The following PAPPA variants were observed in gnomAD, a reference collection of about 807,000 sequenced individuals.
PAPPA encodes pappalysin-1.
A neutral mutation model predicts 164.0 loss-of-function variants in PAPPA; 60 were observed. The observed-to-expected ratio is 0.37, with a 90% CI of 0.30 to 0.45. PAPPA has a LOEUF of 0.45. PAPPA is among the 20% of genes least tolerant of loss of function. The pLI is 1.00. For missense variants in PAPPA, 1,782 were observed against 2,087.3 expected (o/e 0.85, Z 2.85); for synonymous variants, 875 against 814.1 (o/e 1.07, Z -1.27).
intron 21 of PAPPA, among the ~76,000 whole-genome samples, chr9:116,391,690 G>T (rs1846895342): frequency 6.6e-6 from 1 of 152,238 alleles, no homozygotes; most frequent in African/African-American, 2.4e-5. Context: ...AAAAACAGGA[G>T]AGAATCCTGG....
chr9:116,333,672 A>C (rs972935184), intron 12 of PAPPA, among the ~76,000 whole-genome samples: 6 of 152,222 alleles, frequency 3.9e-5, no homozygotes, highest in Non-Finnish European at 7.3e-5. Flanking sequence ...AAGAGAAAGA[A>C]AACCCCTCTG....
intron 10 of PAPPA, among the ~76,000 whole-genome samples, chr9:116,307,428 C>T (rs62575361): frequency 9.0e-4 from 137 of 151,988 alleles, no homozygotes; most frequent in Middle Eastern, 3.4e-3. Flanking sequence ...GGTGAAACCC[C>T]GTCTCTACTA....
Position 116,377,597 on chromosome 9 carries a change from C to G in PAPPA, c.4627C>G (p.Leu1543Val). The G allele has an allele frequency of 6.2e-7, 1 of 1,613,830 alleles. No individual in the cohort carries two copies. The highest frequency in any genetic ancestry group is 8.5e-7 in the Non-Finnish European group (1 of 1,179,748). ...RVERVVCTAG[L>V]KWYPHPALIH... ...ACAGAGAGTTGTCTGCACTGCTGGT[C>G]TCAAGTGGTATCCTCACCCTGCTCT... The change falls in exon 20 of 22, where the codon CTC becomes GTC. Residue 1543 changes from leucine (L) to valine (V), a missense_variant. Physicochemically the swap from Leu to Val is conservative, Grantham distance 32. Around this residue, in one of 2 missense-constraint regions of PAPPA, gnomAD observed 1,324 missense variants for 1,656.9 expected, o/e 0.80. Transcript: ENST00000328252.
intron 1 of PAPPA, among the ~76,000 whole-genome samples, chr9:116,159,330 G>C (rs746561530): frequency 6.6e-6 from 1 of 152,218 alleles, no homozygotes; most frequent in Non-Finnish European, 1.5e-5. Context: ...CTAGGAAGTA[G>C]CTGCATCTCT....
At position 116,400,132 on chromosome 9, in the gene PAPPA, A is replaced by G. The variant is rs1847029104; in HGVS notation, c.*3516A>G. ...ACTACTTCAAGTGAGAAAATAAAAA[A>G]AAATGGTGACAAAGCTGTACAGATA... On this transcript the variant is annotated 3_prime_UTR_variant, in exon 22 of 22. Transcript: ENST00000328252. 6.6e-6 allele frequency: 1 copy of G among 152,620 alleles called. No individual in the cohort carries two copies. Among genetic ancestry groups the G allele is most frequent in the Non-Finnish European group, 1.5e-5 (1 of 68,050 alleles). The allele number at this position is 152,620 out of a possible 1,614,324, so 9.5% of individuals were successfully genotyped here. A position where few individuals can be genotyped will look rare whatever the true frequency, so the allele number is the denominator to read the frequency against.
chr9:116,351,370 G>A (rs1341378992), intron 15 of PAPPA, among the ~76,000 whole-genome samples: 1 of 152,214 alleles, frequency 6.6e-6, no homozygotes, highest in African/African-American at 2.4e-5. Context: ...GGGAAGTGAA[G>A]AAAGGAAAGG....
intron 7 of PAPPA, among the ~76,000 whole-genome samples, chr9:116,244,318 G>A (rs1040598577): frequency 3.9e-5 from 6 of 152,104 alleles, no homozygotes; most frequent in African/African-American, 1.4e-4. Flanking sequence ...AACCATTATA[G>A]GTTCTCTTCT....
At chr9:116,284,692 T>C (rs1452133775) in intron 9 of PAPPA, among the ~76,000 whole-genome samples, 1 of 151,974 alleles carries the variant, frequency 6.6e-6, no homozygotes, top group African/African-American at 2.4e-5. Flanking sequence ...TTTCCTAATC[T>C]CAACTGGTGG....
intron 7 of PAPPA, among the ~76,000 whole-genome samples, chr9:116,245,054 C>G (rs1432124944): frequency 6.6e-6 from 1 of 151,790 alleles, no homozygotes; most frequent in Non-Finnish European, 1.5e-5. Flanking sequence ...TAAAACATCT[C>G]AGACATAGAC....
chr9:116,328,262 G>A (rs1845945047), intron 10 of PAPPA, among the ~76,000 whole-genome samples: 2 of 152,166 alleles, frequency 1.3e-5, no homozygotes, highest in Admixed American at 1.3e-4. Flanking sequence ...AAATTCCATA[G>A]ATAGTTTATG....
chr9:116,238,930 ATTT>A (rs1351788966), intron 7 of PAPPA, among the ~76,000 whole-genome samples: 1 of 152,062 alleles, frequency 6.6e-6, no homozygotes, highest in Non-Finnish European at 1.5e-5. Context: ...GTGTATGTGT[ATTT>A]TGCTGCTTTC....
intron 1 of PAPPA, among the ~76,000 whole-genome samples, chr9:116,155,905 T>TC (rs1374717070): frequency 1.3e-5 from 2 of 151,810 alleles, no homozygotes; most frequent in African/African-American, 4.8e-5. Flanking sequence ...ATTTTTCCTT[T>TC]TTTTTTTTCC....
At chr9:116,386,864 A>AGAG (rs563141428) in intron 21 of PAPPA, among the ~76,000 whole-genome samples, 3 of 152,136 alleles carry the variant, frequency 2.0e-5, no homozygotes, top group Non-Finnish European at 4.4e-5. Context: ...GGCAGCCCAG[A>AGAG]GAGGAGTTTC....
At chr9:116,314,253 T>G (rs1445065663) in intron 10 of PAPPA, among the ~76,000 whole-genome samples, 3 of 151,644 alleles carry the variant, frequency 2.0e-5, no homozygotes, top group Non-Finnish European at 4.4e-5. Context: ...GTATTTTTAG[T>G]AGAGACAGGG....
intron 10 of PAPPA, chr9:116,318,275 G>A (rs573340400): frequency 6.6e-6 from 1 of 152,240 alleles, no homozygotes; most frequent in East Asian, 1.9e-4. Flanking sequence ...CTCTATGAGT[G>A]TTTGCTTGCT....
At chr9:116,201,805 G>C (rs1844174467) in intron 2 of PAPPA, among the ~76,000 whole-genome samples, 1 of 152,164 alleles carries the variant, frequency 6.6e-6, no homozygotes, top group African/African-American at 2.4e-5. Flanking sequence ...ATCACCCTCT[G>C]TTGCCTTTTA....
At chr9:116,205,259 C>A (rs1844218962) in intron 2 of PAPPA, among the ~76,000 whole-genome samples, 1 of 152,008 alleles carries the variant, frequency 6.6e-6, no homozygotes, top group Non-Finnish European at 1.5e-5. Flanking sequence ...AGGATGAATA[C>A]CACTTCTTGA....
chr9:116,263,822 G>A (rs78003212), intron 7 of PAPPA, among the ~76,000 whole-genome samples: 4,929 of 152,252 alleles, frequency 0.032, 124 homozygotes, highest in Non-Finnish European at 0.045. Context: ...GGAGAGAGGA[G>A]CAAAACATTC....
chr9:116,202,296 G>A (rs1844180344), intron 2 of PAPPA, among the ~76,000 whole-genome samples: 1 of 152,128 alleles, frequency 6.6e-6, no homozygotes. Context: ...CTCTCATTCA[G>A]ATTATTACAG....
Sources: allele counts gnomAD v4.1 joint callset (sites outside exome capture counted in the v4.1 genomes callset), GRCh38; gene constraint gnomAD v4.1.1; regional missense constraint gnomAD v4.1.1; transcripts MANE v1.5; gene names NCBI Gene and HGNC (gene_info 2026-07-23, HGNC 2026-07-21).